The following KCNIP4 variants were observed in gnomAD, a reference collection of about 807,000 sequenced individuals.
KCNIP4 encodes the protein potassium voltage-gated channel interacting protein 4, also known as Kv channel-interacting protein 4.
KCNIP4 carries 12 observed loss-of-function variants against 34.0 expected under a neutral mutation model. The observed-to-expected ratio is 0.35, with a 90% CI of 0.23 to 0.57. The LOEUF (loss-of-function observed/expected upper bound fraction) is 0.57. KCNIP4 is among the 20% of genes least tolerant of loss of function. KCNIP4 has a pLI of 0.83. For synonymous variants in KCNIP4, 124 were observed against 102.2 expected (o/e 1.21, Z -1.29); for missense variants, 238 against 311.7 (o/e 0.76, Z 1.78).
chr4:21,252,668 G>T (rs1247113561), intron 1 of KCNIP4, among the ~76,000 whole-genome samples: 20 of 151,310 alleles, frequency 1.3e-4, no homozygotes. Flanking sequence ...AATCAATAAT[G>T]ATGTCATCAT....
At chr4:21,449,597 T>C (rs957592444) in intron 1 of KCNIP4, among the ~76,000 whole-genome samples, 7 of 151,604 alleles carry the variant, frequency 4.6e-5, no homozygotes, top group African/African-American at 1.5e-4. Context: ...ATATCACATA[T>C]ATTTAAATTA....
intron 1 of KCNIP4, among the ~76,000 whole-genome samples, chr4:21,640,490 T>G (rs1342519680): frequency 1.3e-5 from 2 of 152,096 alleles, no homozygotes; most frequent in Non-Finnish European, 2.9e-5. Context: ...AACATTCCAG[T>G]CTCCCTAAAC....
chr4:20,829,813 T>C (rs1455849619), intron 3 of KCNIP4, among the ~76,000 whole-genome samples: 1 of 152,154 alleles, frequency 6.6e-6, no homozygotes, highest in Non-Finnish European at 1.5e-5. Context: ...ATCTGTGGCT[T>C]GTCCTTTCGG....
chr4:21,211,819 C>A (rs6448036), intron 1 of KCNIP4, among the ~76,000 whole-genome samples: 1 of 151,690 alleles, frequency 6.6e-6, no homozygotes, highest in Non-Finnish European at 1.5e-5. Flanking sequence ...AGGTTAAAAA[C>A]TTGCCCAAAT....
intron 1 of KCNIP4, among the ~76,000 whole-genome samples, chr4:20,995,469 T>C (rs1450007552): frequency 2.0e-5 from 3 of 152,194 alleles, no homozygotes; most frequent in Admixed American, 6.5e-5. Flanking sequence ...ATTTGACCAA[T>C]AAACTGTGAT....
intron 1 of KCNIP4, among the ~76,000 whole-genome samples, chr4:21,650,171 C>G (rs1747367399): frequency 6.6e-6 from 1 of 152,176 alleles, no homozygotes; most frequent in African/African-American, 2.4e-5. Context: ...CTTCACCCAG[C>G]AAGAAAAGGA....
chr4:21,833,160 C>T (rs1259907890), intron 1 of KCNIP4, among the ~76,000 whole-genome samples: 9 of 151,294 alleles, frequency 5.9e-5, no homozygotes, highest in Non-Finnish European at 8.8e-5. Flanking sequence ...CCTGAGGAAT[C>T]GCCACACTGA....
chr4:21,506,876 C>T (rs1209033944), intron 1 of KCNIP4, among the ~76,000 whole-genome samples: 2 of 151,952 alleles, frequency 1.3e-5, no homozygotes, highest in African/African-American at 4.8e-5. Flanking sequence ...ACTGCAGCCT[C>T]AAACTCCTGG....
Position 21,615,384 on chromosome 4 carries a change from C to CAA in KCNIP4, c.61+333185_61+333186dup, listed in dbSNP as rs11463024. ...TGAAACCCCGTCTCTACTAAAAATACAAAAAAAAAAAAATTAGCTGGAATG... is the reference window on the plus strand; with the variant it reads ...TGAAACCCCGTCTCTACTAAAAATACAAAAAAAAAAAAAAATTAGCTGGAATG... On this transcript the variant is annotated intron_variant, in intron 1 of 8. Coordinates refer to ENST00000382152, the MANE Select transcript of KCNIP4 (RefSeq NM_025221.6). Among the ~76,000 whole-genome samples the CAA allele has an allele frequency of 6.9e-3, 990 of 143,044 alleles. 6 individuals carry two copies. Among genetic ancestry groups the CAA allele is most frequent in the South Asian group, 0.023 (102 of 4,510 alleles). The allele number at this position is 143,044 out of a possible 152,430, so 93.8% of individuals were successfully genotyped here.
In KCNIP4 at chr4:20,881,678, A is replaced by G. The variant is rs77500974; in HGVS notation, c.163+930T>C. Among the ~76,000 whole-genome samples, 1,234 of 152,348 alleles carry G rather than the reference A, an allele frequency of 8.1e-3. 13 individuals are homozygous for G. The highest frequency in any genetic ancestry group is 9.8e-3 in the Non-Finnish European group (670 of 68,040). ...CAAAATAGAGAAAAAGAAGATGGAG[A>G]ATGTGATGGTTAACCTCACTTGTCA... is the stretch of plus-strand genomic sequence containing the variant. On this transcript the variant is annotated intron_variant, in intron 2 of 8. Transcript: ENST00000382152.
chr4:21,746,256 T>C (rs1716768774), intron 1 of KCNIP4, among the ~76,000 whole-genome samples: 1 of 152,200 alleles, frequency 6.6e-6, no homozygotes, highest in African/African-American at 2.4e-5. Context: ...TCAACATATG[T>C]ATTGAGGTGG....
chr4:21,235,732 C>T (rs1759311089), intron 1 of KCNIP4, among the ~76,000 whole-genome samples: 1 of 152,178 alleles, frequency 6.6e-6, no homozygotes, highest in Non-Finnish European at 1.5e-5. Flanking sequence ...TTTGGCTTAA[C>T]AATATCACAG....
intron 1 of KCNIP4, among the ~76,000 whole-genome samples, chr4:21,618,687 C>T (rs2109169509): frequency 7.6e-6 from 1 of 131,648 alleles, no homozygotes; most frequent in South Asian, 2.4e-4. Flanking sequence ...GGCTGGAGTG[C>T]AGTGGCGTGA....
At chr4:21,406,409 G>A (rs1372345062) in intron 1 of KCNIP4, among the ~76,000 whole-genome samples, 1 of 152,218 alleles carries the variant, frequency 6.6e-6, no homozygotes, top group Non-Finnish European at 1.5e-5. Flanking sequence ...CATTGTAGCA[G>A]TGGCATCAAA....
intron 1 of KCNIP4, among the ~76,000 whole-genome samples, chr4:21,029,732 G>C (rs1740843734): frequency 6.6e-6 from 1 of 152,134 alleles, no homozygotes; most frequent in Admixed American, 6.5e-5. Flanking sequence ...TATTTGCACT[G>C]GTTGTTGAGC....
intron 1 of KCNIP4, among the ~76,000 whole-genome samples, chr4:21,694,899 G>A (rs1712087977): frequency 2.0e-5 from 2 of 101,832 alleles, no homozygotes; most frequent in South Asian, 6.0e-4. Context: ...CGTTTCCTCA[G>A]ATAACACGAT....
intron 1 of KCNIP4, among the ~76,000 whole-genome samples, chr4:21,402,524 A>G (rs1331522512): frequency 6.6e-6 from 1 of 152,198 alleles, no homozygotes; most frequent in African/African-American, 2.4e-5. Flanking sequence ...GAATAACTCC[A>G]TTCTTTTGCT....
At chr4:21,567,283 T>C (rs1739969950) in intron 1 of KCNIP4, among the ~76,000 whole-genome samples, 1 of 152,044 alleles carries the variant, frequency 6.6e-6, no homozygotes, top group Non-Finnish European at 1.5e-5. Flanking sequence ...TACACATACC[T>C]ATATTTTTTC....
chr4:20,869,275 T>C (rs1192033094), intron 2 of KCNIP4, among the ~76,000 whole-genome samples: 1 of 152,032 alleles, frequency 6.6e-6, no homozygotes, highest in Non-Finnish European at 1.5e-5. Flanking sequence ...GTGATCTGGG[T>C]TTTGTTATGT....
Sources: gnomAD v4.1 joint callset for allele counts (sites outside exome capture counted in the v4.1 genomes callset) on GRCh38, gnomAD v4.1.1 for gene constraint, MANE v1.5 for transcripts, NCBI Gene and HGNC (gene_info 2026-07-23, HGNC 2026-07-21) for gene names.